RBMS3: variants seen among roughly 807,000 people sequenced by gnomAD.
RBMS3 encodes the protein RNA-binding motif, single-stranded-interacting protein 3.
A neutral mutation model predicts 66.8 loss-of-function variants in RBMS3; 27 were observed. That is an observed-to-expected ratio of 0.40 (90% CI 0.30 to 0.56). RBMS3 has a LOEUF of 0.56. Ranked by LOEUF, RBMS3 falls within the 20% of genes least tolerant of loss-of-function variation. RBMS3 has a pLI of 0.40. For synonymous variants in RBMS3, 188 were observed against 183.0 expected, an observed-to-expected ratio of 1.03 and a Z score of -0.22; for missense variants, 513 against 549.5, an observed-to-expected ratio of 0.93 and a Z score of 0.66.
At chr3:29,388,297 T>C (rs936259237) in intron 1 of RBMS3, among the ~76,000 whole-genome samples, 10 of 152,200 alleles carry the variant, frequency 6.6e-5, no homozygotes, top group African/African-American at 2.4e-4. Context: ...TTCAGAAAAG[T>C]ATAAACTTCT....
At chr3:29,542,813 G>A (rs535904907) in intron 3 of RBMS3, among the ~76,000 whole-genome samples, 34 of 152,236 alleles carry the variant, frequency 2.2e-4, no homozygotes, top group Non-Finnish European at 4.1e-4. Context: ...TCACCTAGGG[G>A]CATTTATGTC....
intron 1 of RBMS3, among the ~76,000 whole-genome samples, chr3:29,387,295 A>T (rs548581054): frequency 6.6e-6 from 1 of 152,276 alleles, no homozygotes; most frequent in East Asian, 1.9e-4. Context: ...CATGTTCAAA[A>T]CAAGTCATTA....
At chr3:29,942,258 C>G (rs192282836) in intron 11 of RBMS3, among the ~76,000 whole-genome samples, 1 of 151,642 alleles carries the variant, frequency 6.6e-6, no homozygotes, top group South Asian at 2.1e-4. Context: ...GTGGTTCATG[C>G]CTGTTATCAC....
chr3:29,311,072 T>C (rs1042936102), intron 1 of RBMS3, among the ~76,000 whole-genome samples: 2 of 151,810 alleles, frequency 1.3e-5, no homozygotes, highest in Non-Finnish European at 2.9e-5. Flanking sequence ...GTCCATGCCA[T>C]AGGCATTTCT....
At chr3:29,749,991 A>G (rs1234299437) in intron 5 of RBMS3, among the ~76,000 whole-genome samples, 1 of 152,226 alleles carries the variant, frequency 6.6e-6, no homozygotes, top group African/African-American at 2.4e-5. Context: ...TTTGCTTGCA[A>G]ATGTATACTT....
At chr3:29,514,031 T>C (rs1208298850) in intron 3 of RBMS3, among the ~76,000 whole-genome samples, 1 of 152,176 alleles carries the variant, frequency 6.6e-6, no homozygotes, top group Non-Finnish European at 1.5e-5. Flanking sequence ...AATCTTTCTA[T>C]TCCTTGTGCC....
At chr3:29,617,777 A>G (rs1390469655) in intron 4 of RBMS3, among the ~76,000 whole-genome samples, 6 of 152,192 alleles carry the variant, frequency 3.9e-5, no homozygotes, top group African/African-American at 1.4e-4. Flanking sequence ...CTAAAATTCT[A>G]TGGAAAAAAT....
In RBMS3 at chr3:29,927,342, G is replaced by C. The variant is rs115236970; in HGVS notation, c.940-8744G>C. Among the ~76,000 whole-genome samples, 819 of 152,270 alleles carry C rather than the reference G, an allele frequency of 5.4e-3. 2 individuals carry two copies. Among genetic ancestry groups the C allele is most frequent in the African/African-American group, 0.019 (782 of 41,562 alleles). On this transcript the variant is annotated intron_variant, in intron 10 of 14. Coordinates refer to ENST00000383767, the MANE Select transcript of RBMS3 (RefSeq NM_001003793.3). ...TCATCAGAGACCTGCTGGTGAGCAA[G>C]TGCCATTCACTCACTCAGTCCATTA...
chr3:29,670,816 C>T (rs1285140807), intron 4 of RBMS3, among the ~76,000 whole-genome samples: 2 of 152,158 alleles, frequency 1.3e-5, no homozygotes, highest in Admixed American at 1.3e-4. Context: ...TAGACTCCAC[C>T]TCTGGGGGCA....
chr3:29,752,746 A>C (rs2055237653), intron 5 of RBMS3, among the ~76,000 whole-genome samples: 1 of 152,182 alleles, frequency 6.6e-6, no homozygotes, highest in African/African-American at 2.4e-5. Context: ...AACAATTATT[A>C]GCTAGGCTAT....
In RBMS3 at chr3:29,453,550, T is replaced by C. The variant is rs567530735; in HGVS notation, c.248+18635T>C. On this transcript the variant is annotated intron_variant, in intron 2 of 14. Coordinates refer to ENST00000383767, the MANE Select transcript of RBMS3 (RefSeq NM_001003793.3). ...CAGTTAGTAACCAAACCCTTGAGGC[T>C]TTCTCTGGGTTTGTTCTCTTCCAGC... 8.5e-5 allele frequency among the ~76,000 whole-genome samples: 13 copies of C among 152,294 alleles called. No homozygotes were observed. The South Asian group carries it at 2.7e-3, about 32-fold the overall frequency.
chr3:29,601,791 C>G (rs2048153641), intron 4 of RBMS3, among the ~76,000 whole-genome samples: 1 of 151,918 alleles, frequency 6.6e-6, no homozygotes, highest in African/African-American at 2.4e-5. Flanking sequence ...GACTCTCAGT[C>G]TTTTTTGTTT....
intron 5 of RBMS3, among the ~76,000 whole-genome samples, chr3:29,740,775 C>A (rs1347272853): frequency 6.6e-6 from 1 of 152,196 alleles, no homozygotes; most frequent in Non-Finnish European, 1.5e-5. Context: ...GGCAGGGTGG[C>A]TGACGCCTGT....
At chr3:29,993,619 T>C (rs1699023720) in intron 14 of RBMS3, among the ~76,000 whole-genome samples, 1 of 152,146 alleles carries the variant, frequency 6.6e-6, no homozygotes, top group African/African-American at 2.4e-5. Flanking sequence ...ATTGAACCTC[T>C]CATGAATGAA....
intron 6 of RBMS3, among the ~76,000 whole-genome samples, chr3:29,819,048 C>G (rs932487950): frequency 2.6e-5 from 4 of 152,130 alleles, no homozygotes; most frequent in Non-Finnish European, 5.9e-5. Flanking sequence ...CCATTGCCAC[C>G]CAACAAGATA....
intron 4 of RBMS3, among the ~76,000 whole-genome samples, chr3:29,688,157 G>T (rs1005897824): frequency 1.3e-5 from 2 of 151,960 alleles, no homozygotes; most frequent in African/African-American, 4.8e-5. Flanking sequence ...GCCCTGATTT[G>T]CCTTTTCTTC....
chr3:29,282,327 A>G (rs1363683759), intron 1 of RBMS3, among the ~76,000 whole-genome samples: 5 of 152,122 alleles, frequency 3.3e-5, no homozygotes, highest in African/African-American at 1.2e-4. Context: ...GTTGAGGATG[A>G]TCAGCATGCT....
intron 6 of RBMS3, chr3:29,765,754 G>C (rs1043383852): frequency 1.3e-5 from 2 of 152,056 alleles, no homozygotes; most frequent in African/African-American, 2.4e-5. Flanking sequence ...GTATTAGTTT[G>C]TTTTCATGCT....
chr3:29,984,880 CAGGGACCCACTTG>C (rs1429357446), intron 12 of RBMS3, among the ~76,000 whole-genome samples: 7 of 152,132 alleles, frequency 4.6e-5, no homozygotes, highest in East Asian at 1.9e-4. Flanking sequence ...GGCAGTCTGT[CAGGGACCCACTTG>C]AGGGACCCAC....
Sources: allele counts gnomAD v4.1 joint callset (sites outside exome capture counted in the v4.1 genomes callset), GRCh38; gene constraint gnomAD v4.1.1; transcripts MANE v1.5; gene names NCBI Gene and HGNC (gene_info 2026-07-23, HGNC 2026-07-21).